CHD7: variants seen among roughly 807,000 people sequenced by gnomAD.
CHD7 encodes chromodomain helicase DNA binding protein 7.
In CHD7, 24 loss-of-function variants were observed where a neutral mutation model predicts 307.3. That is an observed-to-expected ratio of 0.08 (90% CI 0.06 to 0.11). The LOEUF (loss-of-function observed/expected upper bound fraction) is 0.11. Ranked by LOEUF, CHD7 falls within the 10% of genes least tolerant of loss-of-function variation. The probability of loss-of-function intolerance (pLI) is 1.00; values close to 1 mark genes in which losing one functional copy is unlikely to be tolerated. For missense variants in CHD7, 3,106 were observed against 3,727.1 expected, an observed-to-expected ratio of 0.83 and a Z score of 4.34; for synonymous variants, 1,363 against 1,349.9, an observed-to-expected ratio of 1.01 and a Z score of -0.21.
intron 2 of CHD7, among the ~76,000 whole-genome samples, chr8:60,777,154 C>A (rs562470244): frequency 5.5e-4 from 83 of 152,062 alleles, no homozygotes; most frequent in Non-Finnish European, 1.2e-3. Flanking sequence ...TATTCTGGTC[C>A]GCTTGGTACC....
At chr8:60,860,193 A>G (rs1360967137) in intron 34 of CHD7, among the ~76,000 whole-genome samples, 2 of 152,236 alleles carry the variant, frequency 1.3e-5, no homozygotes, top group East Asian at 1.9e-4. Flanking sequence ...CATAAGTTAC[A>G]TATAGACTGG....
chr8:60,727,549 G>A (rs1808229281), intron 1 of CHD7, among the ~76,000 whole-genome samples: 1 of 152,066 alleles, frequency 6.6e-6, no homozygotes, highest in African/African-American at 2.4e-5. Flanking sequence ...CATTTGAACT[G>A]GTTGGTTGGT....
rs1563662926 is a variant in CHD7 at position 60,854,535 on chromosome 8, T to C, written c.6936+12T>C. 1 of 1,577,170 alleles carries C rather than the reference T, an allele frequency of 6.3e-7. No individual in the cohort carries two copies. The highest frequency in any genetic ancestry group is 1.4e-5 in the African/African-American group (1 of 74,030). ...CGTTTTGGCCTAAGGTTGGCAGGTT[T>C]TTGTTGCTGTTGTTTTGCTGACCAA... On this transcript the variant is annotated intron_variant, in intron 32 of 37. Coordinates refer to ENST00000423902, the MANE Select transcript of CHD7 (RefSeq NM_017780.4).
At chr8:60,829,457 C>T (rs1299353731) in intron 14 of CHD7, among the ~76,000 whole-genome samples, 4 of 152,046 alleles carry the variant, frequency 2.6e-5, no homozygotes, top group South Asian at 2.1e-4. Flanking sequence ...AAAAATTAGC[C>T]GGGCGTGGTG....
intron 25 of CHD7, 70 bp downstream of exon 25, chr8:60,849,224 C>A: frequency 2.1e-6 from 2 of 943,698 alleles, no homozygotes; most frequent in South Asian, 1.6e-5. Context: ...TCTTTACATA[C>A]TCTTTTCCAA....
At chr8:60,719,330 G>T (rs1807779554) in intron 1 of CHD7, among the ~76,000 whole-genome samples, 1 of 152,204 alleles carries the variant, frequency 6.6e-6, no homozygotes, top group South Asian at 2.1e-4. Flanking sequence ...GCAGGAATAT[G>T]AAAAATTTGG....
intron 8 of CHD7, among the ~76,000 whole-genome samples, chr8:60,817,027 G>A (rs562374355): frequency 1.3e-5 from 2 of 152,128 alleles, no homozygotes; most frequent in African/African-American, 2.4e-5. Context: ...TATCAGTATA[G>A]AAGTACAGCA....
intron 2 of CHD7, among the ~76,000 whole-genome samples, chr8:60,753,914 C>T (rs1037802865): frequency 6.6e-6 from 1 of 152,140 alleles, no homozygotes; most frequent in Middle Eastern, 3.4e-3. Flanking sequence ...TGTGAGCCAC[C>T]GCGCCCTGCT....
At chr8:60,751,194 C>A (rs998734199) in intron 2 of CHD7, among the ~76,000 whole-genome samples, 1 of 152,194 alleles carries the variant, frequency 6.6e-6, no homozygotes, top group Non-Finnish European at 1.5e-5. Flanking sequence ...TCACCTCTAT[C>A]CCCTAGCTTT....
chr8:60,854,602 A>C, intron 32 of CHD7, 79 bp downstream of exon 32: 2 of 1,270,538 alleles, frequency 1.6e-6, no homozygotes, highest in Non-Finnish European at 2.1e-6. Flanking sequence ...TTGATTTTTC[A>C]AGTAATTTTA....
In CHD7 at chr8:60,845,225, A is replaced by G. The variant is rs185141793; in HGVS notation, c.5051-25A>G. ...TATAATTGGAATGTAAAAGGCTTCTATTATTATTATGATGGTGATTCTAGG... is the reference window on the plus strand; with the variant it reads ...TATAATTGGAATGTAAAAGGCTTCTGTTATTATTATGATGGTGATTCTAGG... On this transcript the variant is annotated intron_variant, in intron 22 of 37. Transcript: ENST00000423902. 3,699 of 1,596,100 alleles carry G rather than the reference A, an allele frequency of 2.3e-3. 6 individuals are homozygous for G. Among genetic ancestry groups the G allele is most frequent in the Non-Finnish European group, 3.0e-3 (3,455 of 1,169,292 alleles).
chr8:60,772,501 A>G (rs1293485298), intron 2 of CHD7, among the ~76,000 whole-genome samples: 1 of 152,220 alleles, frequency 6.6e-6, no homozygotes, highest in African/African-American at 2.4e-5. Context: ...GCCAGGAAGC[A>G]CTGCTGTTGT....
intron 6 of CHD7, among the ~76,000 whole-genome samples, chr8:60,803,108 T>C (rs1037970417): frequency 2.6e-5 from 4 of 152,212 alleles, no homozygotes; most frequent in Non-Finnish European, 5.9e-5. Flanking sequence ...TGCATTTTTG[T>C]CCTACTAATG....
chr8:60,723,639 C>T lies in CHD7; in HGVS notation c.-174-17620C>T, dbSNP rs1326129742. 3.3e-5 allele frequency among the ~76,000 whole-genome samples: 5 copies of T among 152,286 alleles called. No homozygotes were observed. In the East Asian group the frequency reaches 7.7e-4, roughly 23 times the overall value. On this transcript the variant is annotated intron_variant, in intron 1 of 37. Transcript: ENST00000423902. The stretch of plus-strand genomic sequence containing the variant: ...TTATGTAAATGAATGTTGTTTCCTT[C>T]AACATAGTGACCTTGGAGACAGGAC...
rs1261257326 is a variant in CHD7, at chr8:60,866,853, A to C, written c.*920A>C. 1 of 152,636 alleles carries C rather than the reference A, an allele frequency of 6.6e-6. No individual in the cohort carries two copies. Among genetic ancestry groups the C allele is most frequent in the African/African-American group, 2.4e-5 (1 of 41,448 alleles). 9.5% of individuals were successfully genotyped at this position (152,636 alleles called of 1,614,324 possible). The stretch of plus-strand genomic sequence containing the variant: ...GTAAGATAAAATGTAAATTGCTGCC[A>C]ACTGTAGTAATGATGCTTTTAATAA... On this transcript the variant is annotated 3_prime_UTR_variant, in exon 38 of 38. Coordinates refer to ENST00000423902, the MANE Select transcript of CHD7 (RefSeq NM_017780.4).
intron 7 of CHD7, among the ~76,000 whole-genome samples, chr8:60,811,941 G>C (rs538269616): frequency 5.8e-4 from 88 of 152,316 alleles, no homozygotes; most frequent in African/African-American, 2.0e-3. Flanking sequence ...CTTTTCATAA[G>C]ATTAATGGCC....
chr8:60,761,664 C>G (rs957927304), intron 2 of CHD7, among the ~76,000 whole-genome samples: 1 of 151,776 alleles, frequency 6.6e-6, no homozygotes, highest in African/African-American at 2.4e-5. Flanking sequence ...CCCTATATCT[C>G]TGCCAGACAG....
chr8:60,691,918 G>A (rs538795429), intron 1 of CHD7, among the ~76,000 whole-genome samples: 24 of 152,170 alleles, frequency 1.6e-4, no homozygotes, highest in South Asian at 1.0e-3. Context: ...TTAGACAGTC[G>A]CTTAGGGTGC....
intron 2 of CHD7, among the ~76,000 whole-genome samples, chr8:60,765,293 CAT>C (rs1268286512): frequency 3.6e-5 from 5 of 138,504 alleles, no homozygotes; most frequent in Admixed American, 1.5e-4. Context: ...ACCCCACACA[CAT>C]ATGCATGCAT....
Sources: allele counts gnomAD v4.1 joint callset (sites outside exome capture counted in the v4.1 genomes callset), GRCh38; gene constraint gnomAD v4.1.1; transcripts MANE v1.5; gene names NCBI Gene and HGNC (gene_info 2026-07-23, HGNC 2026-07-21).